NMNAT1: variants seen among roughly 807,000 people sequenced by gnomAD.
The protein encoded by NMNAT1 is nicotinamide nucleotide adenylyltransferase 1.
In NMNAT1, 11 loss-of-function variants were observed where a neutral mutation model predicts 16.7. The observed-to-expected ratio is 0.66, with a 90% confidence interval of 0.41 to 1.09. The LOEUF is 1.09. NMNAT1 is among the 50% of genes least tolerant of loss of function. The probability of loss-of-function intolerance (pLI) is 0.00; values close to 1 mark genes in which losing one functional copy is unlikely to be tolerated. For synonymous variants in NMNAT1, 110 were observed against 119.8 expected, an observed-to-expected ratio of 0.92 and a Z score of 0.53; for missense variants, 280 against 332.3, an observed-to-expected ratio of 0.84 and a Z score of 1.22.
At chr1:9,943,691 C>T (rs1640883381) in intron 1 of NMNAT1, among the ~76,000 whole-genome samples, 176 bp downstream of exon 1, 1 of 152,148 alleles carries the variant, frequency 6.6e-6, no homozygotes, top group African/African-American at 2.4e-5. Context: ...GAACGGAAAA[C>T]TTCGGTAAAA....
the NMNAT1 span, among the ~76,000 whole-genome samples, chr1:9,992,477 G>A: frequency 4.6e-5 from 7 of 152,236 alleles, no homozygotes; most frequent in African/African-American, 1.7e-4. Flanking sequence ...CAGTTTACCA[G>A]GGGCTTTTCC....
intron 2 of NMNAT1, among the ~76,000 whole-genome samples, chr1:9,972,992 C>T (rs1006943718): frequency 6.6e-6 from 1 of 152,202 alleles, no homozygotes; most frequent in African/African-American, 2.4e-5. Context: ...TTGATTCTGT[C>T]ATGCCTGTGC....
At chr1:9,965,308 T>G (rs908482908) in intron 1 of NMNAT1, among the ~76,000 whole-genome samples, 1 of 117,712 alleles carries the variant, frequency 8.5e-6, no homozygotes, top group Non-Finnish European at 1.7e-5. Flanking sequence ...AGAGCGAGAC[T>G]CCATCTCAAA....
At chr1:9,962,481 GAA>G (rs200962954) in intron 1 of NMNAT1, among the ~76,000 whole-genome samples, 53 of 122,004 alleles carry the variant, frequency 4.3e-4, no homozygotes, top group Middle Eastern at 4.8e-3. Flanking sequence ...GACTCCGTCT[GAA>G]AAAAAAAAAA....
chr1:9,973,177 C>A (rs988715739), intron 2 of NMNAT1, among the ~76,000 whole-genome samples: 1 of 151,916 alleles, frequency 6.6e-6, no homozygotes, highest in Non-Finnish European at 1.5e-5. Context: ...AGTGCAGTGG[C>A]GCGATCTCGG....
chr1:9,982,412 T>C lies in NMNAT1; in HGVS notation c.551T>C (p.Ile184Thr). The part of the protein sequence containing the change: ...ITQIVANYGL[I>T]CVTRAGNDAQ... The stretch of plus-strand genomic sequence containing the variant: ...CAAATCGTGGCCAACTATGGGCTCA[T>C]ATGTGTTACTCGGGCTGGAAATGAT... Residue 184 changes from isoleucine (I) to threonine (T), a missense_variant, in exon 5 of 5, where the codon ATA becomes ACA. By Grantham distance (89) the Ile-to-Thr change is moderately conservative. Transcript: ENST00000377205. 22 of 1,614,124 alleles carry C rather than the reference T, an allele frequency of 1.4e-5. No homozygotes were observed. Among genetic ancestry groups the C allele is most frequent in the Non-Finnish European group, 1.9e-5 (22 of 1,180,016 alleles).
At chr1:9,958,343 C>A (rs759680379) in intron 1 of NMNAT1, among the ~76,000 whole-genome samples, 5 of 151,956 alleles carry the variant, frequency 3.3e-5, no homozygotes, top group Non-Finnish European at 5.9e-5. Context: ...TAATAAAATT[C>A]TATCTAATAA....
chr1:9,976,712 C>A (rs961369509), intron 3 of NMNAT1, among the ~76,000 whole-genome samples: 2 of 151,942 alleles, frequency 1.3e-5, no homozygotes, highest in African/African-American at 4.8e-5. Context: ...GCGACCTCTG[C>A]CTCCTGGGTT....
At chr1:9,976,286 CAA>C (rs554511251) in intron 3 of NMNAT1, among the ~76,000 whole-genome samples, 28 of 58,518 alleles carry the variant, frequency 4.8e-4, no homozygotes, top group Non-Finnish European at 4.0e-4. Context: ...GACTCCATCT[CAA>C]AAAAAAAAAA....
downstream of NMNAT1, among the ~76,000 whole-genome samples, chr1:9,985,828 A>C (rs1269987547): frequency 6.6e-6 from 1 of 152,062 alleles, no homozygotes; most frequent in East Asian, 1.9e-4. Flanking sequence ...ACGCCTGGCT[A>C]ATTTTTGTAT....
intron 1 of NMNAT1, among the ~76,000 whole-genome samples, chr1:9,969,374 C>G (rs1641638169): frequency 1.3e-5 from 2 of 152,008 alleles, no homozygotes. Flanking sequence ...GAAGTGAAAA[C>G]TAGGCAGATT....
intron 1 of NMNAT1, among the ~76,000 whole-genome samples, chr1:9,969,465 C>T (rs1418654049): frequency 6.6e-6 from 1 of 152,104 alleles, no homozygotes; most frequent in Non-Finnish European, 1.5e-5. Flanking sequence ...TTAGATGCTT[C>T]AGCTCTAAAT....
In NMNAT1 at chr1:9,984,037, G is replaced by A. The variant is rs555106807; in HGVS notation, c.*1336G>A. On this transcript the variant is annotated 3_prime_UTR_variant, in exon 5 of 5. Coordinates refer to ENST00000377205, the MANE Select transcript of NMNAT1 (RefSeq NM_022787.4). Reference sequence around the variant, plus strand: ...GACCCTTGCAGGAGCCCTGGTAAGGGTACAATGATCCTATTGTTTTTTGTT... The same window carrying A: ...GACCCTTGCAGGAGCCCTGGTAAGGATACAATGATCCTATTGTTTTTTGTT... 1 of 152,260 alleles carries A rather than the reference G, an allele frequency of 6.6e-6. No individual in the cohort carries two copies. Among genetic ancestry groups the A allele is most frequent in the Non-Finnish European group, 1.5e-5 (1 of 68,116 alleles). The allele number at this position is 152,260 out of a possible 1,614,324, so 9.4% of individuals were successfully genotyped here.
chr1:9,975,311 G>C (rs1352116450), intron 2 of NMNAT1, among the ~76,000 whole-genome samples: 1 of 152,048 alleles, frequency 6.6e-6, no homozygotes, highest in Non-Finnish European at 1.5e-5. Context: ...GACCAGCTTG[G>C]CTAACATGGT....
chr1:9,992,638 G>A, the NMNAT1 span, among the ~76,000 whole-genome samples: 96,721 of 151,868 alleles, frequency 0.64, 36,305 homozygotes, highest in Non-Finnish European at 0.84. Context: ...ATGGCCGGGC[G>A]TGGTGGCTCA....
intron 4 of NMNAT1, 126 bp from the exon 5 acceptor site, chr1:9,982,175 C>G: frequency 7.6e-7 from 1 of 1,310,014 alleles, no homozygotes; most frequent in Non-Finnish European, 1.0e-6. Context: ...AGCCCTCATC[C>G]TTGAAAAGCA....
intron 3 of NMNAT1, among the ~76,000 whole-genome samples, chr1:9,978,721 G>T (rs1017247488): frequency 6.6e-6 from 1 of 152,204 alleles, no homozygotes; most frequent in East Asian, 1.9e-4. Context: ...TGCTCAGAAG[G>T]GTTGGGATGT....
chr1:9,956,897 A>G (rs973509007), intron 1 of NMNAT1, among the ~76,000 whole-genome samples: 2 of 150,752 alleles, frequency 1.3e-5, no homozygotes, highest in African/African-American at 4.9e-5. Context: ...ATGCCTGGAT[A>G]ATTTTTGTAT....
At chr1:9,976,672 T>C (rs1221385281) in intron 3 of NMNAT1, among the ~76,000 whole-genome samples, 1 of 152,086 alleles carries the variant, frequency 6.6e-6, no homozygotes, top group African/African-American at 2.4e-5. Context: ...TCACCCAGGC[T>C]GGAGTGCAGT....
Sources: allele counts gnomAD v4.1 joint callset (sites outside exome capture counted in the v4.1 genomes callset), GRCh38; gene constraint gnomAD v4.1.1; transcripts MANE v1.5; gene names NCBI Gene and HGNC (gene_info 2026-07-23, HGNC 2026-07-21).